Variants in SGSM1 observed in about 807,000 individuals in gnomAD.
The protein encoded by SGSM1 is small G protein signaling modulator 1, also known as RUN and TBC1 domain containing 2.
In SGSM1, 73 loss-of-function variants were observed where a neutral mutation model predicts 133.8. That is an observed-to-expected ratio of 0.55 (90% CI 0.45 to 0.66). The LOEUF (loss-of-function observed/expected upper bound fraction) is 0.66, where lower values mean the gene tolerates loss of function less well. Among genes scored for constraint, SGSM1 ranks in the 30% least tolerant of loss-of-function variants. SGSM1 has a pLI of 0.00. For synonymous variants in SGSM1, 563 were observed against 573.0 expected, an observed-to-expected ratio of 0.98 and a Z score of 0.25; for missense variants, 1,213 against 1,448.1, an observed-to-expected ratio of 0.84 and a Z score of 2.64.
At chr22:24,920,591 G>A (rs1204580142) in intron 24 of SGSM1, among the ~76,000 whole-genome samples, 2 of 152,116 alleles carry the variant, frequency 1.3e-5, no homozygotes, top group African/African-American at 4.8e-5. Context: ...CGTGGTACCT[G>A]GCTCATAGGA....
At chr22:24,824,465 A>G (rs550538116) in intron 2 of SGSM1, among the ~76,000 whole-genome samples, 2 of 152,050 alleles carry the variant, frequency 1.3e-5, no homozygotes, top group Non-Finnish European at 2.9e-5. Flanking sequence ...GAGCGTGCCA[A>G]AATACTCCTG....
rs747525019 is a variant in SGSM1, at chr22:24,912,677, G to A, written c.2853G>A (p.Met951Ile). ...ALAFSCFTEL[M>I]KRMNQNFPHG... ...CCTTCAGCTGCTTCACGGAGCTCAT[G>A]AAGAGGATGAACCAGAACTTCCCCC... Residue 951 changes from methionine to isoleucine, a missense_variant, in exon 22 of 25, where the codon ATG (methionine) becomes ATA (isoleucine). Transcript: ENST00000400358. 1 of 1,613,792 alleles carries A rather than the reference G, an allele frequency of 6.2e-7. No individual in the cohort carries two copies. Among genetic ancestry groups the A allele is most frequent in the Non-Finnish European group, 8.5e-7 (1 of 1,179,890 alleles).
chr22:24,817,988 T>G (rs1033302524), intron 2 of SGSM1, among the ~76,000 whole-genome samples: 4 of 151,960 alleles, frequency 2.6e-5, no homozygotes, highest in African/African-American at 9.7e-5. Flanking sequence ...TCCCAGCACT[T>G]TGGGAGGCCG....
intron 16 of SGSM1, among the ~76,000 whole-genome samples, chr22:24,887,639 A>G (rs1306415896): frequency 2.0e-5 from 3 of 152,288 alleles, no homozygotes; most frequent in South Asian, 4.1e-4. Flanking sequence ...TCGCATGTTC[A>G]GTTTTATATG....
At chr22:24,922,325 C>T (rs552619761) in intron 24 of SGSM1, among the ~76,000 whole-genome samples, 6 of 151,920 alleles carry the variant, frequency 3.9e-5, no homozygotes, top group East Asian at 2.0e-4. Context: ...CAACTGCAGG[C>T]GCCCGCCACC....
rs1375693628 is a variant in SGSM1, at chr22:24,876,631, C to T, written c.1346C>T (p.Pro449Leu). 1.9e-6 allele frequency: 3 copies of T among 1,613,958 alleles called. No homozygotes were observed. The highest frequency in any genetic ancestry group is 8.5e-7 in the Non-Finnish European group (1 of 1,179,884). Residue 449 changes from proline to leucine, a missense_variant, in exon 13 of 25, where the codon CCC becomes CTC. Pro to Leu is a moderately conservative substitution (Grantham distance 98). Transcript: ENST00000400358. ...SVSNLPSLWQPSPRKSSCSSC... is the reference protein window; with the variant it reads ...SVSNLPSLWQLSPRKSSCSSC... ...AGCAACCTCCCATCCCTGTGGCAGC[C>T]CAGTCCCCGGAAGTCCTCCTGTTCA...
At chr22:24,828,664 A>G (rs6004302) in intron 2 of SGSM1, among the ~76,000 whole-genome samples, 11,728 of 152,242 alleles carry the variant, frequency 0.077, 1,371 homozygotes, top group African/African-American at 0.26. Context: ...GGAAGACAGC[A>G]ATAATTCCTC....
At chr22:24,859,613 A>G (rs56318899) in intron 8 of SGSM1, 103 bp from the exon 9 acceptor site, 174,289 of 1,506,640 alleles carry the variant, frequency 0.12, 11,305 homozygotes, top group South Asian at 0.24. Context: ...GATTAACCCA[A>G]CCTCTTAGTT....
chr22:24,812,196 A>G (rs1927792625), intron 2 of SGSM1, among the ~76,000 whole-genome samples: 1 of 151,984 alleles, frequency 6.6e-6, no homozygotes, highest in Non-Finnish European at 1.5e-5. Context: ...AAAGAAAAGA[A>G]AAATTAGGCA....
chr22:24,868,863 G>T lies in SGSM1; in HGVS notation c.1291+8G>T, dbSNP rs968432392. ...GCATGCAGTCGGAATTCGGTGAGCT[G>T]CCCTGTCCCGGGCCCCGGGGAGTCA... is the stretch of plus-strand genomic sequence containing the variant. On this transcript the variant is annotated splice_region_variant and intron_variant, in intron 12 of 24. Transcript: ENST00000400358. 5 of 1,612,882 alleles carry T rather than the reference G, an allele frequency of 3.1e-6. No individual in the cohort carries two copies. Among genetic ancestry groups the T allele is most frequent in the Admixed American group, 1.7e-5 (1 of 59,952 alleles).
At position 24,900,814 on chromosome 22, in the gene SGSM1, T is replaced by C. The variant is rs1171556408; in HGVS notation, c.2611-1019T>C. On this transcript the variant is annotated intron_variant, in intron 19 of 24. Transcript: ENST00000400358. ...TTGTATTTATGCCAACCATCACTCC[T>C]GGCACCTTCTTTCTCTGAGTGTTTC... Among the ~76,000 whole-genome samples the C allele has an allele frequency of 2.4e-4, 37 of 152,238 alleles. 2 individuals carry two copies. The highest frequency in any genetic ancestry group is 2.4e-3 in the Admixed American group (37 of 15,270).
At position 24,859,266 on chromosome 22, in the gene SGSM1, G is replaced by C. The variant is rs570318642; in HGVS notation, c.802-450G>C. On this transcript the variant is annotated intron_variant, in intron 8 of 24. Transcript: ENST00000400358. Reference sequence around the variant, plus strand: ...GCTACTGGGCGGGGAGTGTAGGGGGGGTTTTTGGGAGGAGGTCTCTGAGTA... The same window carrying C: ...GCTACTGGGCGGGGAGTGTAGGGGGCGTTTTTGGGAGGAGGTCTCTGAGTA... Among the ~76,000 whole-genome samples, 26 of 152,216 alleles carry C rather than the reference G, an allele frequency of 1.7e-4. No individual in the cohort carries two copies. The East Asian group carries it at 2.5e-3, about 15-fold the overall frequency.
Position 24,855,863 on chromosome 22 carries a change from A to C in SGSM1, c.801+183A>C, listed in dbSNP as rs1930749688. ...TATATTTACACGCACCCATCCTTAC[A>C]TCCATCCATCCACCCATTGTTATAT... On this transcript the variant is annotated intron_variant, in intron 8 of 24. Coordinates refer to ENST00000400358, the MANE Select transcript of SGSM1 (RefSeq NM_001098497.3). The C allele has an allele frequency of 3.5e-6, 3 of 848,902 alleles. No homozygotes were observed. In the African/African-American group the frequency reaches 5.0e-5, roughly 14 times the overall value. 52.6% of individuals were successfully genotyped at this position (848,902 alleles called of 1,614,324 possible).
intron 16 of SGSM1, among the ~76,000 whole-genome samples, chr22:24,889,414 T>TC (rs1932764733): frequency 2.0e-5 from 3 of 149,518 alleles, no homozygotes; most frequent in South Asian, 4.2e-4. Context: ...TGTATTTCTT[T>TC]TTTTTTTTTT....
In SGSM1 at chr22:24,806,459, G is replaced by A; in HGVS notation, c.38G>A (p.Arg13Lys). The change falls in exon 2 of 25, where the codon AGG (arginine) becomes AAG (lysine). Residue 13 changes from arginine to lysine, a missense_variant. Transcript: ENST00000400358. ...SAPAEAETRQ[R>K]LLRTVKKEVK... ...CCCACAGAGGCGGAGACCCGACAGA[G>A]GCTGCTACGCACCGTCAAGAAGGAG... 3 of 1,524,264 alleles carry A rather than the reference G, an allele frequency of 2.0e-6. No homozygotes were observed. Among genetic ancestry groups the A allele is most frequent in the Non-Finnish European group, 2.6e-6 (3 of 1,135,748 alleles). The allele number at this position is 1,524,264 out of a possible 1,614,324, so 94.4% of individuals were successfully genotyped here. A position where few individuals can be genotyped will look rare whatever the true frequency, so the allele number is the denominator to read the frequency against.
In SGSM1 at chr22:24,897,964, G is replaced by T. The variant is rs1315631715; in HGVS notation, c.2023-8G>T. On this transcript the variant is annotated splice_polypyrimidine_tract_variant and splice_region_variant and intron_variant, in intron 18 of 24. Transcript: ENST00000400358. ...CGGTCCATCTGTTTTTGTGCACCTT[G>T]TCCTCAGGTGTTTGAGTCTGTGGAT... is the stretch of plus-strand genomic sequence containing the variant. 17 of 1,580,622 alleles carry T rather than the reference G, an allele frequency of 1.1e-5. No individual in the cohort carries two copies. Among genetic ancestry groups the T allele is most frequent in the Non-Finnish European group, 1.3e-5 (15 of 1,162,888 alleles).
intron 2 of SGSM1, among the ~76,000 whole-genome samples, chr22:24,843,169 A>G (rs75485784): frequency 1.1e-3 from 166 of 152,078 alleles, no homozygotes; most frequent in African/African-American, 3.9e-3. Flanking sequence ...GGGCCTCCCT[A>G]GATAGTTTTC....
chr22:24,827,953 C>A (rs139625), intron 2 of SGSM1, among the ~76,000 whole-genome samples: 57,573 of 151,616 alleles, frequency 0.38, 12,628 homozygotes, highest in Non-Finnish European at 0.5. Context: ...CAGATGTTGG[C>A]GGACCCCTTA....
At chr22:24,811,531 G>A (rs1336848683) in intron 2 of SGSM1, among the ~76,000 whole-genome samples, 1 of 152,084 alleles carries the variant, frequency 6.6e-6, no homozygotes, top group Admixed American at 6.6e-5. Context: ...CCTGTAAAAT[G>A]GACTTAGGCC....
Sources: allele counts gnomAD v4.1 joint callset (sites outside exome capture counted in the v4.1 genomes callset), GRCh38; gene constraint gnomAD v4.1.1; transcripts MANE v1.5; gene names NCBI Gene and HGNC (gene_info 2026-07-23, HGNC 2026-07-21).